Variants in RORB observed in about 807,000 individuals in gnomAD.
The protein encoded by RORB is nuclear receptor ROR-beta.
Under a neutral mutation model 59.1 loss-of-function variants are expected in RORB, and 6 were observed. The observed-to-expected ratio is 0.10, with a 90% CI of 0.06 to 0.20. RORB has a LOEUF of 0.20. RORB is among the 10% of genes least tolerant of loss of function. The pLI, the probability that RORB is intolerant of heterozygous loss-of-function variation, is 1.00. For missense variants in RORB, 320 were observed against 560.5 expected, an observed-to-expected ratio of 0.57 and a Z score of 4.33; for synonymous variants, 215 against 204.5, an observed-to-expected ratio of 1.05 and a Z score of -0.44.
intron 1 of RORB, among the ~76,000 whole-genome samples, chr9:74,526,025 T>G (rs1274071199): frequency 6.6e-6 from 1 of 151,938 alleles, no homozygotes. Context: ...ATTTACAGCT[T>G]CTTCACACAC....
At chr9:74,512,610 A>T (rs1825957189) in intron 1 of RORB, among the ~76,000 whole-genome samples, 3 of 152,180 alleles carry the variant, frequency 2.0e-5, no homozygotes. Flanking sequence ...AGAGGTCAGG[A>T]ATGCTGTTAA....
In RORB at chr9:74,642,722, C is replaced by T; in HGVS notation, c.544C>T (p.Pro182Ser). Residue 182 changes from proline (P) to serine (S), a missense_variant, in exon 4 of 10, where the codon CCT (proline) becomes TCT (serine). Pro to Ser is a moderately conservative substitution (Grantham distance 74). Coordinates refer to ENST00000376896, the MANE Select transcript of RORB (RefSeq NM_006914.4). ...MTGIKQIKQE[P>S]IYDLTSVPNL... is the part of the protein sequence containing the mutation. ...TGGAATCAAACAGATAAAGCAAGAA[C>T]CTATCTATGACCTCACATCCGTACC... 6.2e-7 allele frequency: 1 copy of T among 1,614,116 alleles called. No homozygotes were observed. The highest frequency in any genetic ancestry group is 8.5e-7 in the Non-Finnish European group (1 of 1,179,984).
chr9:74,545,292 T>C (rs901119827), intron 1 of RORB, among the ~76,000 whole-genome samples: 1 of 152,158 alleles, frequency 6.6e-6, no homozygotes, highest in African/African-American at 2.4e-5. Context: ...ATTTCAGTCA[T>C]GGGGATTTGG....
At chr9:74,621,258 C>T (rs1823412668) in intron 1 of RORB, among the ~76,000 whole-genome samples, 1 of 152,158 alleles carries the variant, frequency 6.6e-6, no homozygotes. Flanking sequence ...CCCTTCACCC[C>T]TTCATCCTCT....
intron 8 of RORB, among the ~76,000 whole-genome samples, 187 bp from the exon 9 acceptor site, chr9:74,671,602 A>C (rs2118544967): frequency 6.6e-6 from 1 of 152,304 alleles, no homozygotes. Flanking sequence ...GCATCATAAT[A>C]TTGCGCATTC....
At chr9:74,550,596 C>A (rs1373545069) in intron 1 of RORB, among the ~76,000 whole-genome samples, 1 of 152,218 alleles carries the variant, frequency 6.6e-6, no homozygotes, top group East Asian at 1.9e-4. Context: ...GTCCCTTCCA[C>A]CTTTCAATTA....
rs142519955 is a variant in RORB, at chr9:74,667,323, A to G, written c.1001-468A>G. ...TTCCATTAGATATTTCTAACGTCTC[A>G]GTTTAAAAGTCCAGAATACCCTACA... On this transcript the variant is annotated intron_variant, in intron 7 of 9. Transcript: ENST00000376896. Among the ~76,000 whole-genome samples, 1,171 of 152,362 alleles carry G rather than the reference A, an allele frequency of 7.7e-3. 10 individuals carry two copies. The highest frequency in any genetic ancestry group is 0.017 in the Middle Eastern group (5 of 294).
At chr9:74,585,532 C>T (rs1358666431) in intron 1 of RORB, among the ~76,000 whole-genome samples, 1 of 152,066 alleles carries the variant, frequency 6.6e-6, no homozygotes, top group African/African-American at 2.4e-5. Flanking sequence ...TTGGTAAAGT[C>T]CTCTCCTCCT....
intron 1 of RORB, among the ~76,000 whole-genome samples, chr9:74,506,640 CTG>C (rs1241240750): frequency 6.6e-6 from 1 of 152,208 alleles, no homozygotes; most frequent in East Asian, 1.9e-4. Flanking sequence ...AAAACAGACT[CTG>C]AGCTGGGATA....
intron 1 of RORB, among the ~76,000 whole-genome samples, chr9:74,608,402 A>G (rs190498699): frequency 1.3e-5 from 2 of 152,072 alleles, no homozygotes; most frequent in African/African-American, 4.8e-5. Flanking sequence ...CGTCTCTACT[A>G]AAAAGAAAAA....
At chr9:74,627,879 T>A (rs1823546680) in intron 1 of RORB, among the ~76,000 whole-genome samples, 2 of 152,176 alleles carry the variant, frequency 1.3e-5, no homozygotes, top group South Asian at 4.2e-4. Flanking sequence ...GATAAAGGAA[T>A]AATAATGTGG....
chr9:74,513,234 T>A (rs1263748656), intron 1 of RORB, among the ~76,000 whole-genome samples: 1 of 152,046 alleles, frequency 6.6e-6, no homozygotes, highest in Non-Finnish European at 1.5e-5. Flanking sequence ...ATAAATAGAA[T>A]CGATGTGAAA....
At chr9:74,637,578 C>T (rs1001696367) in intron 3 of RORB, among the ~76,000 whole-genome samples, 27 of 47,810 alleles carry the variant, frequency 5.6e-4, no homozygotes, top group African/African-American at 1.4e-3. Context: ...GAATCTTCTC[C>T]ATCATTTTAT....
chr9:74,664,964 CA>C (rs1218397798), intron 6 of RORB, among the ~76,000 whole-genome samples: 2 of 152,198 alleles, frequency 1.3e-5, no homozygotes, highest in Non-Finnish European at 2.9e-5. Flanking sequence ...ATTTGCTTAG[CA>C]CCTACTATGT....
At chr9:74,666,581 A>G (rs1211996065) in intron 7 of RORB, among the ~76,000 whole-genome samples, 1 of 151,762 alleles carries the variant, frequency 6.6e-6, no homozygotes, top group Non-Finnish European at 1.5e-5. Context: ...TTTATTGCAT[A>G]TTGCATAGAC....
chr9:74,620,439 C>G (rs1484206916), intron 1 of RORB, among the ~76,000 whole-genome samples: 6 of 151,910 alleles, frequency 3.9e-5, no homozygotes, highest in African/African-American at 1.5e-4. Context: ...CTCTTTTCTT[C>G]TTTATTAGTC....
At chr9:74,640,004 T>C (rs546047532) in intron 3 of RORB, among the ~76,000 whole-genome samples, 2 of 152,268 alleles carry the variant, frequency 1.3e-5, no homozygotes, top group South Asian at 2.1e-4. Flanking sequence ...AATTTGTCTA[T>C]GAGAATCAGA....
intron 1 of RORB, among the ~76,000 whole-genome samples, chr9:74,588,481 T>A (rs1030298702): frequency 6.6e-6 from 1 of 152,198 alleles, no homozygotes; most frequent in Non-Finnish European, 1.5e-5. Flanking sequence ...CATAAAATAA[T>A]GATTTTAAGA....
intron 1 of RORB, among the ~76,000 whole-genome samples, chr9:74,565,441 G>A (rs1410259802): frequency 3.3e-5 from 5 of 152,108 alleles, no homozygotes; most frequent in African/African-American, 4.8e-5. Flanking sequence ...TAAATGATGA[G>A]TTTCGTCACT....
Sources: allele counts gnomAD v4.1 joint callset (sites outside exome capture counted in the v4.1 genomes callset), GRCh38; gene constraint gnomAD v4.1.1; transcripts MANE v1.5; gene names NCBI Gene and HGNC (gene_info 2026-07-23, HGNC 2026-07-21).